Variants in PVT1 observed in about 807,000 individuals in gnomAD.
PVT1 encodes CXCR4/PVT1 fusion.
chr8:127,964,997 T>C (rs945671132), intron 3 of PVT1, among the ~76,000 whole-genome samples: 2 of 151,976 alleles, frequency 1.3e-5, no homozygotes, highest in Admixed American at 1.3e-4. Flanking sequence ...AAAGCCCTTT[T>C]CCCAAATAAG....
At chr8:127,936,253 T>A (rs956110405) in intron 3 of PVT1, among the ~76,000 whole-genome samples, 3 of 151,844 alleles carry the variant, frequency 2.0e-5, no homozygotes, top group Non-Finnish European at 4.4e-5. Context: ...GGTTTCTCCA[T>A]GTTGGTCGGG....
intron 4 of PVT1, among the ~76,000 whole-genome samples, chr8:128,026,437 C>T (rs1289831694): frequency 1.3e-5 from 2 of 152,094 alleles, no homozygotes; most frequent in African/African-American, 4.8e-5. Flanking sequence ...CAACCTTTTG[C>T]AGCAGGTGTT....
At chr8:128,084,458 C>T (rs930167562) in intron 5 of PVT1, among the ~76,000 whole-genome samples, 1 of 152,088 alleles carries the variant, frequency 6.6e-6, no homozygotes, top group African/African-American at 2.4e-5. Flanking sequence ...AAGAGTTTCC[C>T]CCGCCCCTCA....
chr8:128,005,931 C>A (rs1563663818), intron 4 of PVT1, among the ~76,000 whole-genome samples: 1 of 151,878 alleles, frequency 6.6e-6, no homozygotes, highest in Non-Finnish European at 1.5e-5. Context: ...GGTGAAACCC[C>A]ATCTCTACCA....
intron 2 of PVT1, among the ~76,000 whole-genome samples, chr8:127,857,319 T>G (rs1815172997): frequency 6.7e-6 from 1 of 149,212 alleles, no homozygotes; most frequent in South Asian, 2.1e-4. Flanking sequence ...AGACCTCTTT[T>G]GGGCTCTTGA....
At chr8:127,897,803 A>G (rs1205980938) in intron 3 of PVT1, among the ~76,000 whole-genome samples, 2 of 150,076 alleles carry the variant, frequency 1.3e-5, no homozygotes, top group Non-Finnish European at 3.0e-5. Context: ...TACCTGCGTG[A>G]AGAGAGAAAA....
chr8:127,959,570 C>T lies in PVT1; in HGVS notation n.783-29592C>T, dbSNP rs1041651983. ...ACTCTACTCCAGCCTGGCAACAGCG[C>T]GAGACTCTGTCTCAGGAAAAAAAAA... is the stretch of plus-strand genomic sequence containing the variant. On this transcript the variant is annotated intron_variant and non_coding_transcript_variant, in intron 3 of 10. Transcript: ENST00000651587. Among the ~76,000 whole-genome samples the T allele has an allele frequency of 3.9e-4, 51 of 130,540 alleles. 1 individual carries two copies. The highest frequency in any genetic ancestry group is 1.3e-3 in the African/African-American group (46 of 34,788). The allele number at this position is 130,540 out of a possible 152,430, so 85.6% of individuals were successfully genotyped here. A position where few individuals can be genotyped will look rare whatever the true frequency, so the allele number is the denominator to read the frequency against.
chr8:128,031,015 C>A (rs1344381630), intron 4 of PVT1, among the ~76,000 whole-genome samples: 2 of 152,236 alleles, frequency 1.3e-5, no homozygotes, highest in Non-Finnish European at 2.9e-5. Context: ...CACCAAAGTT[C>A]TCCCAACCAT....
At chr8:127,815,955 C>A (rs796297724) in intron 2 of PVT1, among the ~76,000 whole-genome samples, 8 of 152,240 alleles carry the variant, frequency 5.3e-5, no homozygotes, top group African/African-American at 1.9e-4. Context: ...GAAACCCCGT[C>A]TCTACTAAAA....
intron 2 of PVT1, among the ~76,000 whole-genome samples, chr8:127,884,106 C>A (rs1563630059): frequency 6.6e-6 from 1 of 152,178 alleles, no homozygotes; most frequent in Admixed American, 6.5e-5. Context: ...GGAGCCAGCA[C>A]CTGGATCAAT....
At chr8:128,000,841 G>T (rs1005677619) in intron 4 of PVT1, among the ~76,000 whole-genome samples, 1 of 152,206 alleles carries the variant, frequency 6.6e-6, no homozygotes, top group Admixed American at 6.5e-5. Context: ...AGGCTTCTCA[G>T]TTCTGATCAT....
At chr8:127,864,187 C>T (rs1420974631) in intron 2 of PVT1, among the ~76,000 whole-genome samples, 2 of 151,908 alleles carry the variant, frequency 1.3e-5, no homozygotes, top group African/African-American at 2.4e-5. Flanking sequence ...AGAAAGGTTA[C>T]GTGGGGTGAA....
At chr8:128,029,210 C>T (rs1194308891) in intron 4 of PVT1, among the ~76,000 whole-genome samples, 1 of 152,094 alleles carries the variant, frequency 6.6e-6, no homozygotes, top group Non-Finnish European at 1.5e-5. Flanking sequence ...GCAGCCTTGG[C>T]TTCCCAAGCT....
chr8:127,857,829 G>A (rs576766475), intron 2 of PVT1, among the ~76,000 whole-genome samples: 4 of 151,580 alleles, frequency 2.6e-5, no homozygotes, highest in South Asian at 4.1e-4. Flanking sequence ...AATATTGGTC[G>A]AATGAATGAA....
intron 4 of PVT1, among the ~76,000 whole-genome samples, chr8:128,062,115 G>A (rs949935139): frequency 2.0e-5 from 3 of 152,204 alleles, no homozygotes; most frequent in African/African-American, 7.2e-5. Context: ...GTGAAAAGGA[G>A]GCTATTTTTC....
intron 1 of PVT1, among the ~76,000 whole-genome samples, chr8:127,794,914 A>AG (rs1366873729): frequency 6.9e-6 from 1 of 144,018 alleles, no homozygotes; most frequent in Non-Finnish European, 1.5e-5. Context: ...GCGTTTGGGG[A>AG]GGGTGAGGGG....
chr8:127,840,521 G>A (rs1040699419), intron 2 of PVT1, among the ~76,000 whole-genome samples: 1 of 152,232 alleles, frequency 6.6e-6, no homozygotes, highest in African/African-American at 2.4e-5. Context: ...AGGCCGTCCT[G>A]GGCAAGGCTT....
intron 2 of PVT1, among the ~76,000 whole-genome samples, chr8:127,879,287 G>A (rs1354990869): frequency 1.3e-5 from 2 of 152,226 alleles, no homozygotes; most frequent in African/African-American, 2.4e-5. Flanking sequence ...CCAGCACTTC[G>A]GGAGGCCAAG....
intron 3 of PVT1, among the ~76,000 whole-genome samples, chr8:127,982,769 G>T (rs1220184039): frequency 1.3e-5 from 2 of 151,874 alleles, no homozygotes; most frequent in South Asian, 2.1e-4. Context: ...AATCCAAAAG[G>T]TATACAAAGT....
Sources: gnomAD v4.1 joint callset for allele counts (sites outside exome capture counted in the v4.1 genomes callset) on GRCh38, gnomAD v4.1.1 for gene constraint, MANE v1.5 for transcripts, NCBI Gene and HGNC (gene_info 2026-07-23, HGNC 2026-07-21) for gene names.